The following KCNH1 variants were observed in gnomAD, a reference collection of about 807,000 sequenced individuals.
KCNH1 encodes the protein voltage-gated delayed rectifier potassium channel KCNH1.
KCNH1 carries 27 observed loss-of-function variants against 69.2 expected under a neutral mutation model. The ratio of observed to expected loss-of-function variants is 0.39; its 90% confidence interval spans 0.29 to 0.54. The LOEUF (loss-of-function observed/expected upper bound fraction) is 0.54. KCNH1 is among the 20% of genes least tolerant of loss of function. The probability of loss-of-function intolerance (pLI) is 0.68; values close to 1 mark genes in which losing one functional copy is unlikely to be tolerated. For missense variants in KCNH1, 798 were observed against 1,261.6 expected (o/e 0.63, Z 5.57); for synonymous variants, 456 against 487.7 (o/e 0.93, Z 0.86).
intron 6 of KCNH1, among the ~76,000 whole-genome samples, chr1:210,926,304 G>A (rs373543320): frequency 3.9e-5 from 6 of 151,942 alleles, no homozygotes; most frequent in African/African-American, 1.2e-4. Flanking sequence ...AGGACCTTCC[G>A]AGTCCACTCC....
intron 5 of KCNH1, among the ~76,000 whole-genome samples, chr1:211,068,658 T>C (rs1352645456): frequency 6.6e-6 from 1 of 152,180 alleles, no homozygotes; most frequent in Non-Finnish European, 1.5e-5. Context: ...CATCCCAAAG[T>C]GCTGGGATTA....
At chr1:211,125,118 G>A (rs1235584088) in intron 1 of KCNH1, among the ~76,000 whole-genome samples, 2 of 152,182 alleles carry the variant, frequency 1.3e-5, no homozygotes, top group Non-Finnish European at 1.5e-5. Flanking sequence ...AAAACAGCTA[G>A]GCTAAGATGA....
At position 210,682,701 on chromosome 1, in the gene KCNH1, T is replaced by C. The variant is rs556785488; in HGVS notation, c.*580A>G. ...TGCACCACACCTGCAGCTGCTTTTC[T>C]GGCCTTAACCATGAGACAGAAAGTT... On this transcript the variant is annotated 3_prime_UTR_variant, in exon 11 of 11. Transcript: ENST00000271751. 1.3e-5 allele frequency: 2 copies of C among 153,034 alleles called. No homozygotes were observed. Among genetic ancestry groups the C allele is most frequent in the South Asian group, 2.1e-4 (1 of 4,848 alleles). The allele number at this position is 153,034 out of a possible 1,614,324, so 9.5% of individuals were successfully genotyped here. A position where few individuals can be genotyped will look rare whatever the true frequency, so the allele number is the denominator to read the frequency against.
At chr1:210,808,592 C>G (rs1684635143) in intron 7 of KCNH1, among the ~76,000 whole-genome samples, 1 of 151,854 alleles carries the variant, frequency 6.6e-6, no homozygotes. Context: ...GACATGTTCT[C>G]ACAATGTTGC....
chr1:210,890,428 A>C (rs1275647952), intron 7 of KCNH1, among the ~76,000 whole-genome samples: 1 of 152,204 alleles, frequency 6.6e-6, no homozygotes, highest in African/African-American at 2.4e-5. Flanking sequence ...TAAGACCTAA[A>C]ACCATAAAAA....
At chr1:210,822,196 C>G (rs1173818695) in intron 7 of KCNH1, among the ~76,000 whole-genome samples, 3 of 151,526 alleles carry the variant, frequency 2.0e-5, no homozygotes, top group Non-Finnish European at 4.4e-5. Context: ...TGCATTGGGC[C>G]CAGAGAAAAA....
At chr1:210,691,003 T>G (rs1235341424) in intron 10 of KCNH1, among the ~76,000 whole-genome samples, 1 of 152,228 alleles carries the variant, frequency 6.6e-6, no homozygotes, top group Non-Finnish European at 1.5e-5. Flanking sequence ...CAGGCGGACT[T>G]GGATCGTGTT....
At chr1:210,819,063 G>A (rs1291021672) in intron 7 of KCNH1, among the ~76,000 whole-genome samples, 2 of 152,116 alleles carry the variant, frequency 1.3e-5, no homozygotes, top group East Asian at 3.8e-4. Context: ...TTAAGGAAAA[G>A]AGTGTAATGT....
chr1:211,056,975 AC>A (rs1469479830), intron 5 of KCNH1, among the ~76,000 whole-genome samples: 1 of 152,196 alleles, frequency 6.6e-6, no homozygotes, highest in Non-Finnish European at 1.5e-5. Context: ...ACACTGATGA[AC>A]ATCCACCAGT....
intron 6 of KCNH1, among the ~76,000 whole-genome samples, chr1:210,968,643 T>G (rs1444883768): frequency 6.6e-6 from 1 of 151,790 alleles, no homozygotes; most frequent in Non-Finnish European, 1.5e-5. Context: ...TTTTCATGTG[T>G]TTTTTGGCTG....
At chr1:210,917,239 G>GAA (rs1687360509) in intron 7 of KCNH1, among the ~76,000 whole-genome samples, 3 of 134,270 alleles carry the variant, frequency 2.2e-5, no homozygotes, top group Non-Finnish European at 3.2e-5. Flanking sequence ...GAGAAAGAAA[G>GAA]AAAGAAAGAA....
intron 7 of KCNH1, among the ~76,000 whole-genome samples, chr1:210,909,534 C>T (rs1267485334): frequency 2.0e-5 from 3 of 152,230 alleles, no homozygotes; most frequent in East Asian, 1.9e-4. Flanking sequence ...TAATTTGCAT[C>T]GTTTCCATTT....
chr1:210,848,402 T>C (rs1474214191), intron 7 of KCNH1, among the ~76,000 whole-genome samples: 2 of 152,202 alleles, frequency 1.3e-5, no homozygotes, highest in Non-Finnish European at 2.9e-5. Context: ...TTAATTTGCA[T>C]GTGAGTTGAG....
intron 9 of KCNH1, among the ~76,000 whole-genome samples, chr1:210,793,617 G>T (rs1684251794): frequency 1.3e-5 from 2 of 152,208 alleles, no homozygotes; most frequent in African/African-American, 4.8e-5. Flanking sequence ...ATTAAACAGA[G>T]AATGTGAGTG....
chr1:210,870,153 G>A (rs553845649), intron 7 of KCNH1, among the ~76,000 whole-genome samples: 1 of 152,150 alleles, frequency 6.6e-6, no homozygotes, highest in South Asian at 2.1e-4. Context: ...ACCAAAAGGA[G>A]TTTTTTTCAT....
intron 6 of KCNH1, among the ~76,000 whole-genome samples, chr1:210,998,431 G>A (rs1334197179): frequency 6.6e-6 from 1 of 152,168 alleles, no homozygotes; most frequent in East Asian, 1.9e-4. Flanking sequence ...TTACATAATG[G>A]TAAAGGGATC....
chr1:210,773,178 C>T (rs1683784387), intron 10 of KCNH1, among the ~76,000 whole-genome samples: 1 of 152,212 alleles, frequency 6.6e-6, no homozygotes. Flanking sequence ...CACCAGCAAG[C>T]ATCCCATGTT....
chr1:211,005,385 C>T (rs1371007102), intron 6 of KCNH1, among the ~76,000 whole-genome samples: 2 of 152,126 alleles, frequency 1.3e-5, no homozygotes, highest in South Asian at 2.1e-4. Context: ...CATTGATTAA[C>T]ACAATGTGAT....
Position 210,896,840 on chromosome 1 carries a change from T to C in KCNH1, c.1462+22800A>G, listed in dbSNP as rs368099959. 2.6e-5 allele frequency among the ~76,000 whole-genome samples: 4 copies of C among 152,330 alleles called. No homozygotes were observed. In the East Asian group the frequency reaches 5.8e-4, roughly 22 times the overall value. On this transcript the variant is annotated intron_variant, in intron 7 of 10. Transcript: ENST00000271751. ...AAAAAAAACAGACTTTTCCTTCCTA[T>C]TACCCCATGGAGGAGGTTGTGTATG... is the stretch of plus-strand genomic sequence containing the variant.
Sources: gnomAD v4.1 joint callset for allele counts (sites outside exome capture counted in the v4.1 genomes callset) on GRCh38, gnomAD v4.1.1 for gene constraint, MANE v1.5 for transcripts, NCBI Gene and HGNC (gene_info 2026-07-23, HGNC 2026-07-21) for gene names.